ACSL1: variants seen among roughly 807,000 people sequenced by gnomAD.
The protein encoded by ACSL1 is acyl-CoA synthetase long chain family member 1.
A neutral mutation model predicts 98.4 loss-of-function variants in ACSL1; 41 were observed. That is an observed-to-expected ratio of 0.42 (90% CI 0.32 to 0.54). ACSL1 has a LOEUF of 0.54. Ranked by LOEUF, ACSL1 falls within the 20% of genes least tolerant of loss-of-function variation. The pLI is 0.13. For synonymous variants in ACSL1, 316 were observed against 322.7 expected, an observed-to-expected ratio of 0.98 and a Z score of 0.22; for missense variants, 734 against 883.1, an observed-to-expected ratio of 0.83 and a Z score of 2.14.
intron 5 of ACSL1, 75 bp from the exon 6 acceptor site, chr4:184,777,058 A>G (rs1333590530): frequency 6.8e-6 from 9 of 1,314,244 alleles, no homozygotes; most frequent in Non-Finnish European, 7.6e-6. Flanking sequence ...AATACTCAAG[A>G]GAGATTCAAA....
chr4:184,762,558 A>G (rs1763006387), intron 16 of ACSL1, 35 bp from the exon 17 acceptor site: 1 of 1,586,984 alleles, frequency 6.3e-7, no homozygotes, highest in Admixed American at 1.7e-5. Flanking sequence ...AACAGCATTT[A>G]CTGGGGTTTT....
intron 4 of ACSL1, among the ~76,000 whole-genome samples, chr4:184,781,110 T>G (rs1766181414): frequency 6.6e-6 from 1 of 151,250 alleles, no homozygotes; most frequent in Admixed American, 6.6e-5. Context: ...GGCGTGAAAC[T>G]GTAATCCCAG....
rs754401543 is a variant in ACSL1, at chr4:184,780,381, T to G, written c.428A>C (p.Lys143Thr). The G allele has an allele frequency of 6.2e-7, 1 of 1,613,852 alleles. No homozygotes were observed. The highest frequency in any genetic ancestry group is 8.5e-7 in the Non-Finnish European group (1 of 1,179,952). The change falls in exon 5 of 21, where the codon AAG becomes ACG. Residue 143 changes from lysine (K) to threonine (T), a missense_variant. Transcript: ENST00000281455. The stretch of plus-strand genomic sequence containing the variant: ...GCCAATGAACTGATCTGGGGCAGTC[T>G]TGAAGCCCTTCTGGATCAGTGCTGA... ...IGSALIQKGF[K>T]TAPDQFIGIF...
intron 3 of ACSL1, among the ~76,000 whole-genome samples, chr4:184,786,127 A>G (rs902761778): frequency 6.6e-6 from 1 of 152,102 alleles, no homozygotes; most frequent in African/African-American, 2.4e-5. Flanking sequence ...GCCGCCCACG[A>G]CCCTTAACTG....
chr4:184,783,221 G>A (rs1384712064), intron 4 of ACSL1, among the ~76,000 whole-genome samples: 2 of 152,216 alleles, frequency 1.3e-5, no homozygotes, highest in African/African-American at 4.8e-5. Flanking sequence ...CACTGCTACT[G>A]CCACTCATGA....
chr4:184,785,618 G>GGGGGGGGGGGGAGGA (rs1767134451), intron 3 of ACSL1, among the ~76,000 whole-genome samples: 1 of 30,382 alleles, frequency 3.3e-5, no homozygotes, highest in African/African-American at 7.8e-5. Context: ...GGGGGGGGGG[G>GGGGGGGGGGGGAGGA]GGGAAGGAAG....
chr4:184,817,803 A>C (rs1449843471), intron 1 of ACSL1, among the ~76,000 whole-genome samples: 1 of 152,128 alleles, frequency 6.6e-6, no homozygotes, highest in Non-Finnish European at 1.5e-5. Context: ...GAAGAGACTG[A>C]GCCGGCCTCT....
intron 1 of ACSL1, chr4:184,815,165 G>A (rs1772513771): frequency 8.8e-6 from 4 of 454,216 alleles, no homozygotes; most frequent in East Asian, 7.0e-5. Context: ...AGGCATCCGA[G>A]GGAGGGCTGT....
chr4:184,814,739 G>T (rs571020663), intron 1 of ACSL1, among the ~76,000 whole-genome samples: 7 of 152,256 alleles, frequency 4.6e-5, no homozygotes, highest in African/African-American at 1.7e-4. Context: ...GAAGGATTTA[G>T]GTAGTGACCT....
At chr4:184,815,997 T>A (rs1446458079) in intron 1 of ACSL1, among the ~76,000 whole-genome samples, 1 of 151,956 alleles carries the variant, frequency 6.6e-6, no homozygotes, top group Non-Finnish European at 1.5e-5. Flanking sequence ...GGCACACACC[T>A]GTAGTCCCGG....
rs1166655872 is a variant in ACSL1, at chr4:184,815,009, T to A, written c.-33+10907A>T. On this transcript the variant is annotated intron_variant, in intron 1 of 20. Transcript: ENST00000281455. ...GATAAAATACTTACAAGGTTTTCTTTGCCTTCAGCAAGTTTAGGATATCAA... is the reference window on the plus strand; with the variant it reads ...GATAAAATACTTACAAGGTTTTCTTAGCCTTCAGCAAGTTTAGGATATCAA... 5 of 456,052 alleles carry A rather than the reference T, an allele frequency of 1.1e-5. No homozygotes were observed. The Admixed American group carries it at 1.2e-4, about 11-fold the overall frequency. 28.3% of individuals were successfully genotyped at this position (456,052 alleles called of 1,614,324 possible).
intron 1 of ACSL1, among the ~76,000 whole-genome samples, chr4:184,824,674 C>T (rs1773323660): frequency 2.0e-5 from 3 of 152,136 alleles, no homozygotes; most frequent in Non-Finnish European, 4.4e-5. Flanking sequence ...AAGACCTGGT[C>T]CTTTTCCACT....
At chr4:184,780,010 T>A (rs1765970919) in intron 5 of ACSL1, among the ~76,000 whole-genome samples, 1 of 152,084 alleles carries the variant, frequency 6.6e-6, no homozygotes, top group Admixed American at 6.6e-5. Flanking sequence ...GTAGCTGGGA[T>A]TACAGATGTG....
intron 12 of ACSL1, among the ~76,000 whole-genome samples, chr4:184,767,369 G>A (rs1483587831): frequency 6.6e-6 from 1 of 151,850 alleles, no homozygotes; most frequent in Non-Finnish European, 1.5e-5. Context: ...AAGGAATGAA[G>A]TGCTAATACG....
At chr4:184,807,041 T>C (rs1771517776) in intron 1 of ACSL1, among the ~76,000 whole-genome samples, 1 of 152,152 alleles carries the variant, frequency 6.6e-6, no homozygotes, top group Non-Finnish European at 1.5e-5. Flanking sequence ...AAAAGGCACT[T>C]GGGGTATTTA....
At chr4:184,815,171 G>A in intron 1 of ACSL1, 1 of 452,872 alleles carries the variant, frequency 2.2e-6, no homozygotes, top group Non-Finnish European at 4.4e-6. Flanking sequence ...CCGAGGGAGG[G>A]CTGTCCAGAG....
At position 184,773,756 on chromosome 4, in the gene ACSL1, G is replaced by A; in HGVS notation, c.790-42C>T. ...AAAAAAGCTGGTATAAATCAGAACAGAAAAGAGAACTATAAGCCACAAGGT... is the reference window on the plus strand; with the variant it reads ...AAAAAAGCTGGTATAAATCAGAACAAAAAAGAGAACTATAAGCCACAAGGT... On this transcript the variant is annotated intron_variant, in intron 8 of 20. Coordinates refer to ENST00000281455, the MANE Select transcript of ACSL1 (RefSeq NM_001995.5). The surrounding 1 kb of genome is among the most constrained non-coding windows in gnomAD (Gnocchi z 4.3). 6.2e-7 allele frequency: 1 copy of A among 1,605,878 alleles called. No individual in the cohort carries two copies. Among genetic ancestry groups the A allele is most frequent in the Admixed American group, 1.7e-5 (1 of 57,966 alleles).
At chr4:184,814,523 C>T (rs1348210141) in intron 1 of ACSL1, among the ~76,000 whole-genome samples, 3 of 152,010 alleles carry the variant, frequency 2.0e-5, no homozygotes, top group Non-Finnish European at 2.9e-5. Flanking sequence ...TTCTATGTGG[C>T]GAGTCTATGG....
At chr4:184,776,344 C>T (rs1372920225) in intron 7 of ACSL1, 140 bp downstream of exon 7, 41 of 814,580 alleles carry the variant, frequency 5.0e-5, no homozygotes, top group Non-Finnish European at 7.3e-5. Flanking sequence ...ACAGAAGTTT[C>T]TGCTCTCTTT....
Sources: gnomAD v4.1 joint callset for allele counts (sites outside exome capture counted in the v4.1 genomes callset) on GRCh38, gnomAD v4.1.1 for gene constraint, Gnocchi (gnomAD v3.1) non-coding constraint, MANE v1.5 for transcripts, NCBI Gene and HGNC (gene_info 2026-07-23, HGNC 2026-07-21) for gene names.